Variants in ARNT observed in about 807,000 individuals in gnomAD.
The protein encoded by ARNT is class E basic helix-loop-helix protein 2.
Under a neutral mutation model 105.0 loss-of-function variants are expected in ARNT, and 30 were observed. That is an observed-to-expected ratio of 0.29 (90% CI 0.21 to 0.39). The LOEUF (loss-of-function observed/expected upper bound fraction) is 0.39. ARNT is among the 10% of genes least tolerant of loss of function. The pLI is 1.00. For missense variants in ARNT, 748 were observed against 978.7 expected (o/e 0.76, Z 3.15); for synonymous variants, 304 against 344.0 (o/e 0.88, Z 1.29).
chr1:150,833,279 G>A (rs768896641), intron 8 of ARNT, among the ~76,000 whole-genome samples: 10 of 152,154 alleles, frequency 6.6e-5, no homozygotes, highest in African/African-American at 2.2e-4. Flanking sequence ...TGACGCAGGC[G>A]AATCACTTGA....
chr1:150,844,670 A>T (rs749279539), intron 4 of ARNT, among the ~76,000 whole-genome samples: 1 of 152,224 alleles, frequency 6.6e-6, no homozygotes, highest in Non-Finnish European at 1.5e-5. Flanking sequence ...CCTAATATTT[A>T]ATAAAAACTT....
In ARNT at chr1:150,814,241, TAA is replaced by T. The variant is rs776656026; in HGVS notation, c.1951-4_1951-3del. 31 of 1,613,912 alleles carry T rather than the reference TAA, an allele frequency of 1.9e-5. No homozygotes were observed. The highest frequency in any genetic ancestry group is 8.5e-7 in the Non-Finnish European group (1 of 1,179,908). On this transcript the variant is annotated splice_region_variant and splice_polypyrimidine_tract_variant and intron_variant, in intron 19 of 21. Transcript: ENST00000358595. ...AGCAGTAGCCTGGGTAGCCACCTGC[TAA>T]AGAGAGATGGAGAGGGGATATAGAA...
At chr1:150,844,892 C>T (rs957174287) in intron 4 of ARNT, among the ~76,000 whole-genome samples, 2 of 151,588 alleles carry the variant, frequency 1.3e-5, no homozygotes, top group Non-Finnish European at 2.9e-5. Flanking sequence ...TCACTGCAAC[C>T]TCCACCTCCC....
At chr1:150,812,184 T>TC in intron 21 of ARNT, 74 bp from the exon 22 acceptor site, 1 of 1,083,578 alleles carries the variant, frequency 9.2e-7, no homozygotes, top group Non-Finnish European at 1.3e-6. Context: ...ACTCCACCAT[T>TC]CCCCTGCACT....
chr1:150,851,262 G>C (rs1015807569), intron 3 of ARNT, among the ~76,000 whole-genome samples: 24 of 146,924 alleles, frequency 1.6e-4, no homozygotes, highest in Non-Finnish European at 2.7e-4. Context: ...CCGCCCAGCC[G>C]CCGCCCCGTC....
intron 3 of ARNT, among the ~76,000 whole-genome samples, chr1:150,847,110 C>T (rs972197683): frequency 3.9e-5 from 6 of 152,046 alleles, no homozygotes; most frequent in African/African-American, 9.7e-5. Context: ...ATTCTGCCTT[C>T]GATTATTTTG....
At chr1:150,831,942 T>C in intron 9 of ARNT, 39 bp from the exon 10 acceptor site, 12 of 1,185,806 alleles carry the variant, frequency 1.0e-5, no homozygotes, top group Non-Finnish European at 1.4e-5. Context: ...AAAAAAAAAA[T>C]CTACCCGTAA....
chr1:150,870,649 A>C (rs1667280316), intron 1 of ARNT, among the ~76,000 whole-genome samples: 1 of 152,050 alleles, frequency 6.6e-6, no homozygotes, highest in Non-Finnish European at 1.5e-5. Context: ...CTGGGACTAC[A>C]GGGAATGCTA....
Position 150,813,163 on chromosome 1 carries a change from C to T in ARNT, c.2280+9G>A. ...CTTCTAATTTTTGAAAGTCTTTTCA[C>T]TCTCTTACCTGGAAGACCTCAGGCT... On this transcript the variant is annotated intron_variant, in intron 21 of 21. Coordinates refer to ENST00000358595, the MANE Select transcript of ARNT (RefSeq NM_001668.4). 1 of 1,609,598 alleles carries T rather than the reference C, an allele frequency of 6.2e-7. No homozygotes were observed. Among genetic ancestry groups the T allele is most frequent in the Non-Finnish European group, 8.5e-7 (1 of 1,177,958 alleles).
chr1:150,854,213 T>A (rs766021304), intron 2 of ARNT, among the ~76,000 whole-genome samples: 4 of 152,054 alleles, frequency 2.6e-5, no homozygotes, highest in Non-Finnish European at 5.9e-5. Context: ...GGCCTCCCAA[T>A]TAGCTGGAAC....
intron 2 of ARNT, among the ~76,000 whole-genome samples, chr1:150,857,220 G>A (rs1302464424): frequency 1.3e-5 from 2 of 151,922 alleles, no homozygotes; most frequent in African/African-American, 2.4e-5. Flanking sequence ...CATATTTGTC[G>A]CTTATAACTA....
chr1:150,818,027 G>A lies in ARNT; in HGVS notation c.1398C>T (p.Asn466=), dbSNP rs746281087. 3.7e-6 allele frequency: 6 copies of A among 1,608,518 alleles called. No homozygotes were observed. The Admixed American group carries it at 1.0e-4, about 27-fold the overall frequency. Reference sequence around the variant, plus strand: ...GTGTAGGCCGTGGTTCTTGGCTAGAGTTCCTAGGAAACCAGAGTAGACAGT... The same window carrying A: ...GTGTAGGCCGTGGTTCTTGGCTAGAATTCCTAGGAAACCAGAGTAGACAGT... The part of the protein sequence containing the change: ...YIICTNTNVK[N]SSQEPRPTLS... Residue 466 remains asparagine, a synonymous_variant, in exon 15 of 22, where the codon AAC becomes AAT. Transcript: ENST00000358595.
chr1:150,842,612 G>A, intron 4 of ARNT, 144 bp from the exon 5 acceptor site: 2 of 644,886 alleles, frequency 3.1e-6, no homozygotes, highest in South Asian at 2.0e-5. Context: ...AGAGAGAAAA[G>A]GATATAGAAC....
intron 3 of ARNT, among the ~76,000 whole-genome samples, chr1:150,847,972 G>T (rs1662561848): frequency 1.3e-5 from 2 of 152,088 alleles, no homozygotes; most frequent in African/African-American, 4.8e-5. Context: ...TATAAAAAAA[G>T]AAGATAGATG....
chr1:150,853,003 A>T (rs1663913341), intron 2 of ARNT, among the ~76,000 whole-genome samples, 197 bp from the exon 3 acceptor site: 1 of 152,164 alleles, frequency 6.6e-6, no homozygotes, highest in Non-Finnish European at 1.5e-5. Context: ...AACTGGGGCC[A>T]GGAGTGGTGG....
At chr1:150,848,033 A>C (rs929492923) in intron 3 of ARNT, among the ~76,000 whole-genome samples, 1 of 152,236 alleles carries the variant, frequency 6.6e-6, no homozygotes, top group Non-Finnish European at 1.5e-5. Flanking sequence ...AGCAATTTAC[A>C]ATATGGACAT....
rs756869076 is a variant in ARNT, at chr1:150,823,331, T to C, written c.1257A>G (p.Lys419=). ...GGAACATGACAGACAGCACTTGGCC[T>C]TTTAATTTCACTACCTGAAAAAGTT... ...RDSFQQVVKL[K]GQVLSVMFRF... The change falls in exon 14 of 22, where the codon AAA becomes AAG. Residue 419 remains lysine (K), a synonymous_variant. Coordinates refer to ENST00000358595, the MANE Select transcript of ARNT (RefSeq NM_001668.4). The C allele has an allele frequency of 2.5e-5, 40 of 1,598,526 alleles. No homozygotes were observed. The highest frequency in any genetic ancestry group is 3.3e-5 in the Non-Finnish European group (39 of 1,170,214).
At chr1:150,854,857 C>CAAA (rs769273005) in intron 2 of ARNT, among the ~76,000 whole-genome samples, 17 of 31,586 alleles carry the variant, frequency 5.4e-4, no homozygotes, top group Admixed American at 8.0e-4. Flanking sequence ...AACTACATCT[C>CAAA]AAAAAAAAAA....
At chr1:150,853,385 A>G in intron 2 of ARNT, 1 of 200,212 alleles carries the variant, frequency 5.0e-6, no homozygotes, top group South Asian at 5.7e-5. Context: ...TTTCAATCAG[A>G]CTACAACCTC....
Sources: gnomAD v4.1 joint callset for allele counts (sites outside exome capture counted in the v4.1 genomes callset) on GRCh38, gnomAD v4.1.1 for gene constraint, MANE v1.5 for transcripts, NCBI Gene and HGNC (gene_info 2026-07-23, HGNC 2026-07-21) for gene names.